Variants in AGAP1 observed in about 807,000 individuals in gnomAD.
AGAP1 encodes ArfGAP with GTPase domain, ankyrin repeat and PH domain 1.
A neutral mutation model predicts 105.3 loss-of-function variants in AGAP1; 29 were observed. That is an observed-to-expected ratio of 0.28 (90% CI 0.21 to 0.38). The LOEUF (loss-of-function observed/expected upper bound fraction) is 0.38. Among genes scored for constraint, AGAP1 ranks in the 10% least tolerant of loss-of-function variants. The pLI, the probability that AGAP1 is intolerant of heterozygous loss-of-function variation, is 1.00. For synonymous variants in AGAP1, 509 were observed against 485.9 expected, an observed-to-expected ratio of 1.05 and a Z score of -0.63; for missense variants, 998 against 1,165.1, an observed-to-expected ratio of 0.86 and a Z score of 2.09.
rs1483116841 is a variant in AGAP1, at chr2:236,092,292, CT to C, written c.2115-27899del. ...AAGCCAGGTGGGTTGTATCCATATCCTATGGTGATAACATACTACAGTTTTT... is the reference window on the plus strand; with the variant it reads ...AAGCCAGGTGGGTTGTATCCATATCCATGGTGATAACATACTACAGTTTTT... On this transcript the variant is annotated intron_variant, in intron 16 of 17. Transcript: ENST00000304032. This position sits in a 1 kb window ranked among gnomAD's most constrained non-coding sequence, Gnocchi z 4.7. Among the ~76,000 whole-genome samples, 3 of 152,210 alleles carry C rather than the reference CT, an allele frequency of 2.0e-5. No homozygotes were observed. The highest frequency in any genetic ancestry group is 4.4e-5 in the Non-Finnish European group (3 of 68,040).
Position 235,889,956 on chromosome 2 carries a change from A to C in AGAP1, c.1155+6507A>C, listed in dbSNP as rs2050451021. Among the ~76,000 whole-genome samples, 1 of 152,128 alleles carries C rather than the reference A, an allele frequency of 6.6e-6. No individual in the cohort carries two copies. Among genetic ancestry groups the C allele is most frequent in the Admixed American group, 6.5e-5 (1 of 15,276 alleles). On this transcript the variant is annotated intron_variant, in intron 10 of 17. Transcript: ENST00000304032. This position sits in a 1 kb window ranked among gnomAD's most constrained non-coding sequence, Gnocchi z 4.6. ...TAACCTCCAGGCCCCAGATCTGCTC[A>C]GCTTGGGTTCTGTGAAGTCTTGACC... is the stretch of plus-strand genomic sequence containing the variant.
In AGAP1 at chr2:235,901,054, A is replaced by G. The variant is rs879530425; in HGVS notation, c.1156-7684A>G. On this transcript the variant is annotated intron_variant, in intron 10 of 17. Coordinates refer to ENST00000304032, the MANE Select transcript of AGAP1 (RefSeq NM_001037131.3). The surrounding 1 kb of genome is among the most constrained non-coding windows in gnomAD (Gnocchi z 4.3). ...AAGGGATGTGGCCAGAAGATTTTTC[A>G]TAGTTTTACAATATTTTCACAGTAT... Among the ~76,000 whole-genome samples the G allele has an allele frequency of 5.3e-5, 8 of 152,174 alleles. No individual in the cohort carries two copies. The highest frequency in any genetic ancestry group is 8.8e-5 in the Non-Finnish European group (6 of 68,032).
chr2:235,744,043 G>A lies in AGAP1; in HGVS notation c.397-655G>A, dbSNP rs1404580473. 6.6e-6 allele frequency among the ~76,000 whole-genome samples: 1 copy of A among 152,224 alleles called. No individual in the cohort carries two copies. Among genetic ancestry groups the A allele is most frequent in the African/African-American group, 2.4e-5 (1 of 41,462 alleles). On this transcript the variant is annotated intron_variant, in intron 4 of 17. Coordinates refer to ENST00000304032, the MANE Select transcript of AGAP1 (RefSeq NM_001037131.3). This position sits in a 1 kb window ranked among gnomAD's most constrained non-coding sequence, Gnocchi z 5.2. ...GCAAGACAAGAATAAAATGAATACG[G>A]CAAAGCAAGAACAAAATGGCGAGAG...
intron 9 of AGAP1, among the ~76,000 whole-genome samples, chr2:235,854,002 T>A (rs2048582566): frequency 6.6e-6 from 1 of 151,946 alleles, no homozygotes; most frequent in Non-Finnish European, 1.5e-5. Context: ...ATGGTAAATA[T>A]GTCCGTTCCA....
At position 235,982,102 on chromosome 2, in the gene AGAP1, A is replaced by G. The variant is rs1226801610; in HGVS notation, c.1645+13479A>G. 2.0e-5 allele frequency among the ~76,000 whole-genome samples: 3 copies of G among 152,244 alleles called. No individual in the cohort carries two copies. The highest frequency in any genetic ancestry group is 4.4e-5 in the Non-Finnish European group (3 of 68,050). ...TGCATTTTTACAGCACTTAGAAAAT[A>G]CCAGATCCACGAAGAACAAATGATC... is the stretch of plus-strand genomic sequence containing the variant. On this transcript the variant is annotated intron_variant, in intron 13 of 17. Transcript: ENST00000304032. This position sits in a 1 kb window ranked among gnomAD's most constrained non-coding sequence, Gnocchi z 4.9.
Position 236,055,966 on chromosome 2 carries a change from GAAA to G in AGAP1, c.2114+6687_2114+6689del, listed in dbSNP as rs1296602720. On this transcript the variant is annotated intron_variant, in intron 16 of 17. Coordinates refer to ENST00000304032, the MANE Select transcript of AGAP1 (RefSeq NM_001037131.3). This position sits in a 1 kb window ranked among gnomAD's most constrained non-coding sequence, Gnocchi z 6.2. ...CTGCTATAAATATTAAGCCAATTAG[GAAA>G]ATGTACAAATGAGAAGTACGTTAAC... is the stretch of plus-strand genomic sequence containing the variant. Among the ~76,000 whole-genome samples the G allele has an allele frequency of 6.6e-6, 1 of 152,140 alleles. No individual in the cohort carries two copies. The highest frequency in any genetic ancestry group is 2.4e-5 in the African/African-American group (1 of 41,422).
Position 235,631,142 on chromosome 2 carries a change from A to T in AGAP1, c.164-78037A>T, listed in dbSNP as rs1946817768. Among the ~76,000 whole-genome samples the T allele has an allele frequency of 6.6e-6, 1 of 152,158 alleles. No individual in the cohort carries two copies. Among genetic ancestry groups the T allele is most frequent in the African/African-American group, 2.4e-5 (1 of 41,444 alleles). On this transcript the variant is annotated intron_variant, in intron 1 of 17. Coordinates refer to ENST00000304032, the MANE Select transcript of AGAP1 (RefSeq NM_001037131.3). This position sits in a 1 kb window ranked among gnomAD's most constrained non-coding sequence, Gnocchi z 5.4. ...TACACACTCAGGGAAAATCCACAGG[A>T]CGAGGGCTGATGTTAGCAGGGTTCA...
rs972910253 is a variant in AGAP1, at chr2:235,610,285, C to T, written c.164-98894C>T. Reference sequence around the variant, plus strand: ...GATCTGCTGTATCCTTATGATACCTCGTCATCTTGGAGTCCACCGTGCACT... The same window carrying T: ...GATCTGCTGTATCCTTATGATACCTTGTCATCTTGGAGTCCACCGTGCACT... On this transcript the variant is annotated intron_variant, in intron 1 of 17. Transcript: ENST00000304032. The surrounding 1 kb of genome is among the most constrained non-coding windows in gnomAD (Gnocchi z 4.9). Among the ~76,000 whole-genome samples, 3 of 152,118 alleles carry T rather than the reference C, an allele frequency of 2.0e-5. No individual in the cohort carries two copies. The highest frequency in any genetic ancestry group is 4.8e-5 in the African/African-American group (2 of 41,416).
Position 236,105,812 on chromosome 2 carries a change from T to G in AGAP1, c.2115-14380T>G, listed in dbSNP as rs1346171772. 6.6e-6 allele frequency among the ~76,000 whole-genome samples: 1 copy of G among 152,104 alleles called. No homozygotes were observed. Among genetic ancestry groups the G allele is most frequent in the Non-Finnish European group, 1.5e-5 (1 of 68,012 alleles). ...CGGGGTTTCACCATGTTAGCCAGGG[T>G]GGTCTCGATCTCCTGACCTCATGAT... On this transcript the variant is annotated intron_variant, in intron 16 of 17. Transcript: ENST00000304032. This position sits in a 1 kb window ranked among gnomAD's most constrained non-coding sequence, Gnocchi z 4.2.
rs1180446462 is a variant in AGAP1, at chr2:235,608,164, A to C, written c.164-101015A>C. 1.3e-5 allele frequency among the ~76,000 whole-genome samples: 2 copies of C among 152,104 alleles called. No homozygotes were observed. The highest frequency in any genetic ancestry group is 2.9e-5 in the Non-Finnish European group (2 of 68,018). Reference sequence around the variant, plus strand: ...CTTCACAGAGTGATGCCTCTGGAGCATCCCCTTGCGGAGCCTCAGCATCTC... The same window carrying C: ...CTTCACAGAGTGATGCCTCTGGAGCCTCCCCTTGCGGAGCCTCAGCATCTC... On this transcript the variant is annotated intron_variant, in intron 1 of 17. Transcript: ENST00000304032. The surrounding 1 kb of genome is among the most constrained non-coding windows in gnomAD (Gnocchi z 5.4).
rs1465186112 is a variant in AGAP1 at position 235,934,924 on chromosome 2, T to C, written c.1483+4001T>C. ...GTCCACCCTAAATTAAGACTTTGGC[T>C]CTGGAGAACTTTTCAAAGTCTCCTC... is the stretch of plus-strand genomic sequence containing the variant. On this transcript the variant is annotated intron_variant, in intron 12 of 17. Coordinates refer to ENST00000304032, the MANE Select transcript of AGAP1 (RefSeq NM_001037131.3). This position sits in a 1 kb window ranked among gnomAD's most constrained non-coding sequence, Gnocchi z 4.9. Among the ~76,000 whole-genome samples the C allele has an allele frequency of 6.6e-6, 1 of 152,174 alleles. No homozygotes were observed. The highest frequency in any genetic ancestry group is 1.5e-5 in the Non-Finnish European group (1 of 68,028).
rs2057732164 is a variant in AGAP1, at chr2:236,046,854, C to T, written c.1892-2205C>T. Among the ~76,000 whole-genome samples, 1 of 152,134 alleles carries T rather than the reference C, an allele frequency of 6.6e-6. No individual in the cohort carries two copies. Among genetic ancestry groups the T allele is most frequent in the South Asian group, 2.1e-4 (1 of 4,824 alleles). ...AAAGGTATCAGAAGTTAGCACTGGC[C>T]CAGCACAGTGGCTCATGCCTGTAAT... On this transcript the variant is annotated intron_variant, in intron 15 of 17. Coordinates refer to ENST00000304032, the MANE Select transcript of AGAP1 (RefSeq NM_001037131.3). The surrounding 1 kb of genome is among the most constrained non-coding windows in gnomAD (Gnocchi z 5.2).
rs576861450 is a variant in AGAP1 at position 235,988,568 on chromosome 2, G to A, written c.1645+19945G>A. ...AGGTACTTAGTCAAGGCATGCAGGC[G>A]TTTCTCCTTGTTTTAGTTCATCTGC... On this transcript the variant is annotated intron_variant, in intron 13 of 17. Coordinates refer to ENST00000304032, the MANE Select transcript of AGAP1 (RefSeq NM_001037131.3). The surrounding 1 kb of genome is among the most constrained non-coding windows in gnomAD (Gnocchi z 4.7). Among the ~76,000 whole-genome samples the A allele has an allele frequency of 3.2e-4, 49 of 152,192 alleles. No individual in the cohort carries two copies. Among genetic ancestry groups the A allele is most frequent in the South Asian group, 8.3e-4 (4 of 4,810 alleles).
chr2:235,770,214 G>GC (rs1955324156), intron 6 of AGAP1, among the ~76,000 whole-genome samples: 5 of 149,946 alleles, frequency 3.3e-5, no homozygotes, highest in South Asian at 2.1e-4. Context: ...TGTAAGCTCC[G>GC]CTCCCCGGGT....
At chr2:235,536,658 CA>C (rs1265223761) in intron 1 of AGAP1, among the ~76,000 whole-genome samples, 19 of 151,628 alleles carry the variant, frequency 1.3e-4, no homozygotes, top group Middle Eastern at 6.8e-3. Context: ...CACACACACA[CA>C]CACACACACA....
intron 11 of AGAP1, among the ~76,000 whole-genome samples, chr2:235,917,430 T>C: frequency 6.6e-6 from 1 of 152,218 alleles, no homozygotes. Context: ...TGAATATTAA[T>C]GTGATCGGAC....
intron 12 of AGAP1, among the ~76,000 whole-genome samples, chr2:235,946,355 A>T (rs2125241001): frequency 7.0e-6 from 1 of 142,278 alleles, no homozygotes; most frequent in African/African-American, 2.6e-5. Flanking sequence ...GTGTGATCTC[A>T]GCTCACTGCA....
At chr2:235,764,348 G>A (rs766468544) in intron 6 of AGAP1, among the ~76,000 whole-genome samples, 5 of 152,102 alleles carry the variant, frequency 3.3e-5, no homozygotes, top group Non-Finnish European at 5.9e-5. Flanking sequence ...GGCCCACCAC[G>A]GTCGCTTCAG....
Position 235,689,018 on chromosome 2 carries a change from C to T in AGAP1, c.164-20161C>T, listed in dbSNP as rs1214444336. Among the ~76,000 whole-genome samples the T allele has an allele frequency of 6.6e-6, 1 of 152,054 alleles. No homozygotes were observed. The highest frequency in any genetic ancestry group is 1.5e-5 in the Non-Finnish European group (1 of 68,026). On this transcript the variant is annotated intron_variant, in intron 1 of 17. Coordinates refer to ENST00000304032, the MANE Select transcript of AGAP1 (RefSeq NM_001037131.3). This position sits in a 1 kb window ranked among gnomAD's most constrained non-coding sequence, Gnocchi z 4.2. ...TTGTGCAGCGATTCCAGCAACAACC[C>T]TGTGCGGTAGATTATTGTCCCATAA... is the stretch of plus-strand genomic sequence containing the variant.
Sources: gnomAD v4.1 joint callset for allele counts (sites outside exome capture counted in the v4.1 genomes callset) on GRCh38, gnomAD v4.1.1 for gene constraint, Gnocchi (gnomAD v3.1) non-coding constraint, MANE v1.5 for transcripts, NCBI Gene and HGNC (gene_info 2026-07-23, HGNC 2026-07-21) for gene names.